The following SEC24D variants were observed in gnomAD, a reference collection of about 807,000 sequenced individuals.
SEC24D encodes the protein protein transport protein Sec24D.
A neutral mutation model predicts 116.9 loss-of-function variants in SEC24D; 69 were observed. The ratio of observed to expected loss-of-function variants is 0.59; its 90% CI spans 0.49 to 0.72. The LOEUF is 0.72. SEC24D is among the 30% of genes least tolerant of loss of function. The pLI is 0.00. For synonymous variants in SEC24D, 405 were observed against 442.8 expected (o/e 0.91, Z 1.07); for missense variants, 1,131 against 1,264.1 (o/e 0.89, Z 1.60).
intron 14 of SEC24D, among the ~76,000 whole-genome samples, chr4:118,744,506 A>AAC (rs1223345221): frequency 2.0e-5 from 3 of 152,230 alleles, no homozygotes; most frequent in African/African-American, 7.2e-5. Flanking sequence ...CCCTATATCC[A>AAC]TAGCCTTATC....
At chr4:118,807,220 G>A (rs1729716342) in intron 6 of SEC24D, among the ~76,000 whole-genome samples, 1 of 152,190 alleles carries the variant, frequency 6.6e-6, no homozygotes, top group African/African-American at 2.4e-5. Flanking sequence ...GCCCGCTGCA[G>A]AGAAGTCAAC....
intron 7 of SEC24D, among the ~76,000 whole-genome samples, chr4:118,798,152 G>C (rs971803468): frequency 6.6e-6 from 1 of 152,144 alleles, no homozygotes; most frequent in Admixed American, 6.5e-5. Context: ...AAAACAAAGA[G>C]ACACACAAAT....
chr4:118,728,071 G>A lies in SEC24D; in HGVS notation c.2958+490C>T, dbSNP rs550757251. Among the ~76,000 whole-genome samples the A allele has an allele frequency of 8.5e-5, 13 of 152,062 alleles. No homozygotes were observed. The East Asian group carries it at 2.5e-3, about 29-fold the overall frequency. On this transcript the variant is annotated intron_variant, in intron 22 of 22. Transcript: ENST00000280551. ...GAAAACAAGTAAGTATCTGGAACGT[G>A]GCAACAACATATAATTTTCTTGGGT...
rs115571066 is a variant in SEC24D at position 118,805,934 on chromosome 4, A to G, written c.822T>C (p.Asp274=). 1.3e-6 allele frequency: 2 copies of G among 1,596,068 alleles called. No individual in the cohort carries two copies. Among genetic ancestry groups the G allele is most frequent in the East Asian group, 4.6e-5 (2 of 43,852 alleles). ...IPSPIQVIEN[D]RASRGGQVYA... ...AAACTTGTCCTCCTCTGCTGGCTCT[A>G]TCATTCTCAATCACCTGGATCTGAT... Residue 274 remains aspartate (D), a synonymous_variant, in exon 7 of 23, where the codon GAT becomes GAC. Coordinates refer to ENST00000280551, the MANE Select transcript of SEC24D (RefSeq NM_014822.4).
chr4:118,815,827 C>A, intron 4 of SEC24D, 101 bp from the exon 5 acceptor site: 1 of 1,270,528 alleles, frequency 7.9e-7, no homozygotes, highest in Non-Finnish European at 1.1e-6. Context: ...TGACATAAAG[C>A]AAGAGGACAC....
intron 3 of SEC24D, among the ~76,000 whole-genome samples, chr4:118,819,854 A>G (rs898797350): frequency 2.6e-5 from 4 of 152,194 alleles, no homozygotes; most frequent in African/African-American, 9.6e-5. Flanking sequence ...ATTTTTTTTA[A>G]CTTAACAAAG....
At chr4:118,730,233 A>C (rs918404540) in intron 21 of SEC24D, 2 of 152,162 alleles carry the variant, frequency 1.3e-5, no homozygotes, top group Non-Finnish European at 2.9e-5. Context: ...TTGCCTACTG[A>C]ATTTTATTTT....
At chr4:118,831,709 C>CTGGATA (rs1730864961) in intron 2 of SEC24D, among the ~76,000 whole-genome samples, 1 of 151,526 alleles carries the variant, frequency 6.6e-6, no homozygotes, top group Admixed American at 6.6e-5. Context: ...AGCCAAAAGA[C>CTGGATA]TGGATACCCC....
At chr4:118,740,916 G>A (rs751950489) in intron 16 of SEC24D, 25 bp downstream of exon 16, 64 of 1,586,040 alleles carry the variant, frequency 4.0e-5, no homozygotes, top group Middle Eastern at 1.7e-4. Flanking sequence ...AGAGAGACCC[G>A]AAGAATTGTA....
At chr4:118,823,920 T>C (rs1262853915) in intron 3 of SEC24D, among the ~76,000 whole-genome samples, 1 of 152,174 alleles carries the variant, frequency 6.6e-6, no homozygotes, top group Non-Finnish European at 1.5e-5. Context: ...TTAAAATACT[T>C]ATTAAGCACC....
At chr4:118,731,258 A>G (rs1725669579) in intron 21 of SEC24D, 58 bp downstream of exon 21, 7 of 1,419,660 alleles carry the variant, frequency 4.9e-6, no homozygotes, top group Non-Finnish European at 6.9e-6. Context: ...CATAAATAAA[A>G]ACATTTACGA....
At chr4:118,785,618 A>G (rs998747019) in intron 8 of SEC24D, among the ~76,000 whole-genome samples, 1 of 152,222 alleles carries the variant, frequency 6.6e-6, no homozygotes, top group Non-Finnish European at 1.5e-5. Context: ...AAGTCTATAC[A>G]AATGTTTATG....
intron 3 of SEC24D, among the ~76,000 whole-genome samples, chr4:118,821,813 G>A (rs1730416384): frequency 6.6e-6 from 1 of 152,220 alleles, no homozygotes; most frequent in South Asian, 2.1e-4. Flanking sequence ...TACATTCACA[G>A]AAGCATGTCC....
chr4:118,811,135 G>A (rs1370653103), intron 6 of SEC24D, among the ~76,000 whole-genome samples: 1 of 152,208 alleles, frequency 6.6e-6, no homozygotes, highest in Admixed American at 6.5e-5. Flanking sequence ...TCAGGAGAGA[G>A]TGGGAGGAGA....
chr4:118,795,947 C>T (rs1042124702), intron 8 of SEC24D, among the ~76,000 whole-genome samples: 2 of 152,256 alleles, frequency 1.3e-5, no homozygotes, highest in Admixed American at 6.5e-5. Flanking sequence ...AGAAAATAAT[C>T]CGTAAGCAAA....
At chr4:118,796,140 G>A (rs192160912) in intron 8 of SEC24D, among the ~76,000 whole-genome samples, 21 of 152,276 alleles carry the variant, frequency 1.4e-4, no homozygotes, top group African/African-American at 4.6e-4. Context: ...CCAGGTGGCA[G>A]GGATATAGGT....
In SEC24D at chr4:118,733,504, A is replaced by G. The variant is rs116578331; in HGVS notation, c.2497-592T>C. Among the ~76,000 whole-genome samples the G allele has an allele frequency of 6.1e-3, 923 of 152,320 alleles. 13 individuals are homozygous for G. The highest frequency in any genetic ancestry group is 0.021 in the African/African-American group (865 of 41,576). ...TCATGCATCTTAAACTCATCAAAAA[A>G]ATATTAAATGCCATTGTGTCATAGG... On this transcript the variant is annotated intron_variant, in intron 19 of 22. Transcript: ENST00000280551.
chr4:118,810,137 T>TGTGTGTGTGG (rs56961502), intron 6 of SEC24D, among the ~76,000 whole-genome samples: 3,844 of 104,294 alleles, frequency 0.037, 383 homozygotes, highest in South Asian at 0.048. Context: ...TGTGTGTGTG[T>TGTGTGTGTGG]CAGAGGGTAT....
chr4:118,823,376 A>G (rs1730476415), intron 3 of SEC24D, among the ~76,000 whole-genome samples: 1 of 152,212 alleles, frequency 6.6e-6, no homozygotes, highest in African/African-American at 2.4e-5. Flanking sequence ...ACTTTAAAAA[A>G]TCCCAGAGGG....
Sources: allele counts gnomAD v4.1 joint callset (sites outside exome capture counted in the v4.1 genomes callset), GRCh38; gene constraint gnomAD v4.1.1; transcripts MANE v1.5; gene names NCBI Gene and HGNC (gene_info 2026-07-23, HGNC 2026-07-21).